Variants in PRODH2 observed in about 807,000 individuals in gnomAD.
PRODH2 encodes hydroxyproline dehydrogenase.
In PRODH2, 49 loss-of-function variants were observed where a neutral mutation model predicts 51.9. That is an observed-to-expected ratio of 0.94 (90% CI 0.75 to 1.20). The LOEUF (loss-of-function observed/expected upper bound fraction) is 1.20. PRODH2 is among the 50% of genes most tolerant of loss of function. The pLI is 0.00. For missense variants in PRODH2, 597 were observed against 610.9 expected (o/e 0.98, Z 0.24); for synonymous variants, 249 against 260.7 (o/e 0.96, Z 0.43).
chr19:35,802,349 A>G, intron 8 of PRODH2, 73 bp from the exon 9 acceptor site: 1 of 1,244,644 alleles, frequency 8.0e-7, no homozygotes. Flanking sequence ...CTATGCACCC[A>G]TATGGCGGCT....
At chr19:35,806,159 C>T (rs922252569) in intron 7 of PRODH2, among the ~76,000 whole-genome samples, 2 of 152,118 alleles carry the variant, frequency 1.3e-5, no homozygotes, top group Non-Finnish European at 2.9e-5. Context: ...AGTCATGGCT[C>T]ACTGCAGCCT....
chr19:35,808,819 T>C (rs1226166482), intron 4 of PRODH2, among the ~76,000 whole-genome samples: 2 of 150,006 alleles, frequency 1.3e-5, no homozygotes, highest in Non-Finnish European at 3.0e-5. Context: ...CTTCTTTTTT[T>C]TTTTTTTTTG....
intron 4 of PRODH2, among the ~76,000 whole-genome samples, chr19:35,810,069 ACCAG>A (rs1346487511): frequency 6.7e-6 from 1 of 148,970 alleles, no homozygotes; most frequent in Non-Finnish European, 1.5e-5. Context: ...GGAGTTCAAG[ACCAG>A]CCTGGCCAAC....
intron 7 of PRODH2, among the ~76,000 whole-genome samples, chr19:35,804,516 G>A (rs1385359785): frequency 6.6e-6 from 1 of 152,252 alleles, no homozygotes; most frequent in Non-Finnish European, 1.5e-5. Context: ...GGAGACTGAA[G>A]CTGAGAGGGG....
chr19:35,810,751 C>T (rs531890879), intron 4 of PRODH2, among the ~76,000 whole-genome samples: 1 of 152,104 alleles, frequency 6.6e-6, no homozygotes, highest in Non-Finnish European at 1.5e-5. Flanking sequence ...GAACTCCTGA[C>T]CTCCAGTAAT....
Position 35,803,067 on chromosome 19 carries a change from C to T in PRODH2, c.1013G>A (p.Cys338Tyr). 1.3e-6 allele frequency: 2 copies of T among 1,541,634 alleles called. No homozygotes were observed. The highest frequency in any genetic ancestry group is 1.8e-6 in the Non-Finnish European group (2 of 1,135,860). The change falls in exon 8 of 10, where the codon TGC becomes TAC. Residue 338 changes from cysteine (C) to tyrosine (Y), a missense_variant. Cys to Tyr is a radical substitution (Grantham distance 194). Transcript: ENST00000653904. ...YEATSQSYSR[C>Y]LELMLTHVAR... ...CACGTGCGTCAGCATCAGTTCCAGG[C>T]AGCGGCTGTAACTGAAGGGAGATGC...
At chr19:35,801,419 T>C (rs925492950) in intron 9 of PRODH2, among the ~76,000 whole-genome samples, 7 of 152,240 alleles carry the variant, frequency 4.6e-5, no homozygotes, top group East Asian at 1.9e-4. Context: ...TGAGCCAAGA[T>C]GGCACCACTG....
At chr19:35,803,873 C>A (rs1052717958) in intron 7 of PRODH2, among the ~76,000 whole-genome samples, 1 of 152,200 alleles carries the variant, frequency 6.6e-6, no homozygotes, top group Non-Finnish European at 1.5e-5. Flanking sequence ...AATAGATTGG[C>A]AAACACCTTG....
chr19:35,810,573 G>C (rs973291304), intron 4 of PRODH2, among the ~76,000 whole-genome samples: 1 of 151,254 alleles, frequency 6.6e-6, no homozygotes. Flanking sequence ...CCAGGCTGGA[G>C]TGCAGTGGCA....
chr19:35,803,984 A>C (rs889107595), intron 7 of PRODH2, among the ~76,000 whole-genome samples: 2 of 152,052 alleles, frequency 1.3e-5, no homozygotes, highest in African/African-American at 4.8e-5. Context: ...TCTGCCCCTC[A>C]GGAAGCTGAC....
intron 9 of PRODH2, among the ~76,000 whole-genome samples, chr19:35,800,639 A>AT (rs1972407542): frequency 6.6e-6 from 1 of 152,122 alleles, no homozygotes; most frequent in Admixed American, 6.5e-5. Flanking sequence ...AACATGGCAG[A>AT]TTAAGTGAGT....
chr19:35,809,419 A>G (rs1282208662), intron 4 of PRODH2, among the ~76,000 whole-genome samples: 3 of 152,092 alleles, frequency 2.0e-5, no homozygotes, highest in Admixed American at 6.6e-5. Context: ...AGATCTCACT[A>G]TGTTGCCCAG....
chr19:35,806,071 TTTTGTTTG>T (rs3030901), intron 7 of PRODH2, among the ~76,000 whole-genome samples: 150 of 150,122 alleles, frequency 1.0e-3, no homozygotes, highest in Admixed American at 2.1e-3. Flanking sequence ...TTTTGTTTTG[TTTTGTTTG>T]TTTGTTTGTT....
At chr19:35,807,611 T>C (rs960383738) in intron 4 of PRODH2, among the ~76,000 whole-genome samples, 7 of 152,090 alleles carry the variant, frequency 4.6e-5, no homozygotes, top group Admixed American at 1.3e-4. Context: ...CCCTCCCTGC[T>C]ACTCTTTGAA....
intron 4 of PRODH2, among the ~76,000 whole-genome samples, chr19:35,811,276 G>A (rs1465088107): frequency 2.0e-5 from 3 of 151,780 alleles, no homozygotes; most frequent in Non-Finnish European, 4.4e-5. Flanking sequence ...CGGCAGGCTG[G>A]GTGTGGTGGC....
intron 4 of PRODH2, among the ~76,000 whole-genome samples, chr19:35,810,612 C>A (rs1972593976): frequency 6.6e-6 from 1 of 151,828 alleles, no homozygotes; most frequent in African/African-American, 2.4e-5. Context: ...ACCTCCGCCT[C>A]CCGGTTCAAG....
In PRODH2 at chr19:35,802,234, G is replaced by A. The variant is rs150865499; in HGVS notation, c.1155C>T (p.Phe385=). The A allele has an allele frequency of 1.2e-4, 199 of 1,614,138 alleles. No individual in the cohort carries two copies. The highest frequency in any genetic ancestry group is 1.3e-4 in the Non-Finnish European group (150 of 1,180,030). ...GGTCACACATGCCCAGAAGTTGTCC[G>A]AAACAGACAGTCCCATCCAGAGGAA... ...LGIPLDGTVC[F]GQLLGMCDHV... The change falls in exon 9 of 10, where the codon TTC becomes TTT. Residue 385 remains phenylalanine, a synonymous_variant. Transcript: ENST00000653904.
intron 4 of PRODH2, among the ~76,000 whole-genome samples, chr19:35,807,962 T>C (rs143144837): frequency 1.7e-4 from 25 of 150,702 alleles, no homozygotes; most frequent in African/African-American, 2.4e-4. Flanking sequence ...ATTTGTAGAG[T>C]CAAGGTCTTC....
At position 35,812,246 on chromosome 19, in the gene PRODH2, C is replaced by T. The variant is rs770881113; in HGVS notation, c.398G>A (p.Gly133Asp). Residue 133 changes from glycine (G) to aspartate (D), a missense_variant, in exon 3 of 10, where the codon GGT becomes GAT. Physicochemically the swap from Gly to Asp is moderately conservative, Grantham distance 94. Coordinates refer to ENST00000653904, the MANE Select transcript of PRODH2 (RefSeq NM_021232.2). ...SGEAWYEGNL[G>D]AMLRCVDLSR... The stretch of plus-strand genomic sequence containing the variant: ...CAGGTCCACACACCGCAGCATAGCA[C>T]CGAGGTTCCCCTCATACCACGCCTC... 32 of 1,613,706 alleles carry T rather than the reference C, an allele frequency of 2.0e-5. No homozygotes were observed. The highest frequency in any genetic ancestry group is 1.8e-4 in the Admixed American group (11 of 60,028).
Sources: allele counts gnomAD v4.1 joint callset (sites outside exome capture counted in the v4.1 genomes callset), GRCh38; gene constraint gnomAD v4.1.1; transcripts MANE v1.5; gene names NCBI Gene and HGNC (gene_info 2026-07-23, HGNC 2026-07-21).